Variants in TASP1 observed in about 807,000 individuals in gnomAD.
TASP1 encodes the protein threonine aspartase 1.
A neutral mutation model predicts 56.6 loss-of-function variants in TASP1; 16 were observed. The observed-to-expected ratio is 0.28, with a 90% CI of 0.19 to 0.43. The LOEUF is 0.43. TASP1 is among the 20% of genes least tolerant of loss of function. TASP1 has a pLI of 1.00. For synonymous variants in TASP1, 179 were observed against 184.2 expected (o/e 0.97, Z 0.23); for missense variants, 393 against 511.6 (o/e 0.77, Z 2.24).
the TASP1 span, among the ~76,000 whole-genome samples, chr20:13,383,127 AG>A: frequency 1.3e-5 from 2 of 152,176 alleles, no homozygotes; most frequent in Non-Finnish European, 2.9e-5. Flanking sequence ...AACAAGAAGG[AG>A]CAGATCCCAG....
chr20:13,219,599 C>CA, the TASP1 span, among the ~76,000 whole-genome samples: 184 of 149,716 alleles, frequency 1.2e-3, 1 homozygote, highest in East Asian at 3.7e-3. Flanking sequence ...GTTCCCCACC[C>CA]AAAAAAAAAT....
At chr20:13,265,128 G>C in the TASP1 span, among the ~76,000 whole-genome samples, 1 of 152,104 alleles carries the variant, frequency 6.6e-6, no homozygotes, top group Non-Finnish European at 1.5e-5. Context: ...CCACATTTCA[G>C]CTCTGAAACC....
the TASP1 span, among the ~76,000 whole-genome samples, chr20:13,172,014 A>G: frequency 7.9e-5 from 12 of 152,096 alleles, no homozygotes; most frequent in Non-Finnish European, 1.6e-4. Flanking sequence ...AAAGAAGAAA[A>G]AATCTTTGAA....
chr20:13,192,161 C>G, the TASP1 span, among the ~76,000 whole-genome samples: 76 of 152,192 alleles, frequency 5.0e-4, no homozygotes, highest in Non-Finnish European at 9.4e-4. Flanking sequence ...AGGGAATTCA[C>G]TGGGAGCAGA....
intron 10 of TASP1, among the ~76,000 whole-genome samples, chr20:13,489,189 G>A (rs2043432012): frequency 6.6e-6 from 1 of 152,108 alleles, no homozygotes; most frequent in Admixed American, 6.6e-5. Flanking sequence ...TGCACTACCT[G>A]AATCACATAC....
the TASP1 span, among the ~76,000 whole-genome samples, chr20:13,321,144 G>A: frequency 6.6e-6 from 1 of 151,042 alleles, no homozygotes; most frequent in African/African-American, 2.4e-5. Flanking sequence ...GAAGGTTTCC[G>A]TGAGCTGAGA....
chr20:13,257,773 G>T, the TASP1 span, among the ~76,000 whole-genome samples: 477 of 152,048 alleles, frequency 3.1e-3, 4 homozygotes, highest in African/African-American at 0.011. Context: ...GCAGAGTTGA[G>T]AATTAAATCC....
intron 6 of TASP1, among the ~76,000 whole-genome samples, chr20:13,574,625 T>A (rs1361409176): frequency 1.4e-5 from 1 of 70,852 alleles, no homozygotes; most frequent in Admixed American, 1.2e-4. Context: ...AGTAGATACA[T>A]GGAAGACATT....
the TASP1 span, among the ~76,000 whole-genome samples, chr20:13,231,284 T>C: frequency 1.3e-5 from 2 of 152,328 alleles, no homozygotes; most frequent in Middle Eastern, 3.4e-3. Flanking sequence ...CAGAGAGATG[T>C]GCTGCAGGCA....
At chr20:13,497,197 A>G (rs2146612169) in intron 10 of TASP1, among the ~76,000 whole-genome samples, 1 of 152,364 alleles carries the variant, frequency 6.6e-6, no homozygotes, top group South Asian at 2.1e-4. Context: ...AGTGAAAAGC[A>G]GCAGCATTTT....
chr20:13,269,909 T>G, the TASP1 span, among the ~76,000 whole-genome samples: 1 of 149,438 alleles, frequency 6.7e-6, no homozygotes, highest in South Asian at 2.2e-4. Context: ...CATTTGATGA[T>G]TGGATGGATG....
intron 13 of TASP1, among the ~76,000 whole-genome samples, chr20:13,398,139 T>C (rs1186679340): frequency 6.6e-6 from 1 of 152,130 alleles, no homozygotes; most frequent in Non-Finnish European, 1.5e-5. Context: ...TACTCTCCAT[T>C]TGTGTAATGG....
the TASP1 span, among the ~76,000 whole-genome samples, chr20:13,188,322 TAATA>T: frequency 6.6e-6 from 1 of 152,078 alleles, no homozygotes; most frequent in Admixed American, 6.5e-5. Context: ...ATTCCTAAAC[TAATA>T]AATAAATTGA....
At chr20:13,120,794 T>G in the TASP1 span, among the ~76,000 whole-genome samples, 3 of 152,248 alleles carry the variant, frequency 2.0e-5, no homozygotes, top group African/African-American at 7.2e-5. Context: ...TAATTGGAAG[T>G]TGCTGCCAGG....
At chr20:13,164,706 G>A in the TASP1 span, 1 of 1,441,094 alleles carries the variant, frequency 6.9e-7, no homozygotes, top group South Asian at 1.2e-5. Flanking sequence ...GCAAAGCAGG[G>A]CTACTTAGGT....
chr20:13,110,831 C>T, the TASP1 span, among the ~76,000 whole-genome samples: 74 of 151,892 alleles, frequency 4.9e-4, no homozygotes, highest in Non-Finnish European at 5.4e-4. Flanking sequence ...ACAATCCTGA[C>T]GTTAGGCAAA....
At chr20:13,259,576 T>A in the TASP1 span, among the ~76,000 whole-genome samples, 1 of 152,156 alleles carries the variant, frequency 6.6e-6, no homozygotes, top group Non-Finnish European at 1.5e-5. Flanking sequence ...GAGAAACAGA[T>A]GTTTATAAAG....
chr20:13,183,373 T>A, the TASP1 span, among the ~76,000 whole-genome samples: 7 of 152,242 alleles, frequency 4.6e-5, no homozygotes, highest in African/African-American at 1.7e-4. Context: ...AAGGATTAAA[T>A]GCTTGTTGCT....
At chr20:13,164,070 A>G in the TASP1 span, among the ~76,000 whole-genome samples, 2 of 151,768 alleles carry the variant, frequency 1.3e-5, no homozygotes, top group Admixed American at 1.3e-4. Context: ...CCATCCCACA[A>G]CAGTCCCTGG....
Sources: gnomAD v4.1 joint callset for allele counts (sites outside exome capture counted in the v4.1 genomes callset) on GRCh38, gnomAD v4.1.1 for gene constraint, MANE v1.5 for transcripts, NCBI Gene and HGNC (gene_info 2026-07-23, HGNC 2026-07-21) for gene names.